CLMN: variants seen among roughly 807,000 people sequenced by gnomAD.
The protein encoded by CLMN is calmin (calponin-like, transmembrane).
In CLMN, 57 loss-of-function variants were observed where a neutral mutation model predicts 92.7. The observed-to-expected ratio is 0.61, with a 90% CI of 0.50 to 0.77. The LOEUF is 0.77. CLMN is among the 30% of genes least tolerant of loss of function. CLMN has a pLI of 0.00. For missense variants in CLMN, 1,158 were observed against 1,237.5 expected, an observed-to-expected ratio of 0.94 and a Z score of 0.96; for synonymous variants, 466 against 470.6, an observed-to-expected ratio of 0.99 and a Z score of 0.13.
At chr14:95,255,431 G>T (rs1397058370) in intron 1 of CLMN, among the ~76,000 whole-genome samples, 1 of 152,124 alleles carries the variant, frequency 6.6e-6, no homozygotes, top group Non-Finnish European at 1.5e-5. Flanking sequence ...GATTTTATTA[G>T]TCATTGTTGT....
At position 95,210,883 on chromosome 14, in the gene CLMN, A is replaced by C. The variant is rs778641110; in HGVS notation, c.609-4T>G. 5 of 1,496,436 alleles carry C rather than the reference A, an allele frequency of 3.3e-6. No homozygotes were observed. Among genetic ancestry groups the C allele is most frequent in the East Asian group, 5.2e-5 (2 of 38,148 alleles). The allele number at this position is 1,496,436 out of a possible 1,614,324, so 92.7% of individuals were successfully genotyped here. A position where few individuals can be genotyped will look rare whatever the true frequency, so the allele number is the denominator to read the frequency against. On this transcript the variant is annotated splice_region_variant and splice_polypyrimidine_tract_variant and intron_variant, in intron 6 of 12. Coordinates refer to ENST00000298912, the MANE Select transcript of CLMN (RefSeq NM_024734.4). ...GTCCTGCACCGCCACGCCATACCTG[A>C]AGGAAAAACAGCAGCGGCGGCCAGG... is the stretch of plus-strand genomic sequence containing the variant.
chr14:95,236,507 G>A (rs748731803), intron 1 of CLMN, among the ~76,000 whole-genome samples: 2 of 152,280 alleles, frequency 1.3e-5, no homozygotes, highest in African/African-American at 4.8e-5. Flanking sequence ...GACTGAGGGG[G>A]AGGGGCTGCT....
chr14:95,229,404 G>A (rs1595596808), intron 2 of CLMN, among the ~76,000 whole-genome samples: 1 of 152,142 alleles, frequency 6.6e-6, no homozygotes, highest in South Asian at 2.1e-4. Flanking sequence ...CAAAACAGCC[G>A]GGCCAAAGAA....
chr14:95,266,773 A>G (rs1473546101), intron 1 of CLMN, among the ~76,000 whole-genome samples: 1 of 152,196 alleles, frequency 6.6e-6, no homozygotes, highest in Non-Finnish European at 1.5e-5. Flanking sequence ...GAGGCATCAC[A>G]CTATCTGACT....
intron 1 of CLMN, among the ~76,000 whole-genome samples, chr14:95,299,482 G>A (rs1272484546): frequency 6.6e-6 from 1 of 152,170 alleles, no homozygotes; most frequent in Non-Finnish European, 1.5e-5. Context: ...TGCACCAGGT[G>A]CAGCACCAGG....
At position 95,223,715 on chromosome 14, in the gene CLMN, TC is replaced by T. The variant is rs374754841; in HGVS notation, c.240+44del. On this transcript the variant is annotated intron_variant, in intron 3 of 12. Transcript: ENST00000298912. ...TGAAAAGAAAACCTCAGCAGCGTTT[TC>T]CTTTGCATTTTCTTTCTTTCTGACC... 29 of 1,455,378 alleles carry T rather than the reference TC, an allele frequency of 2.0e-5. No individual in the cohort carries two copies. The African/African-American group carries it at 4.1e-4, about 21-fold the overall frequency. 90.2% of individuals were successfully genotyped at this position (1,455,378 alleles called of 1,614,324 possible). A position where few individuals can be genotyped will look rare whatever the true frequency, so the allele number is the denominator to read the frequency against.
rs1249275411 is a variant in CLMN at position 95,203,607 on chromosome 14, T to C, written c.1742A>G (p.Asn581Ser). The change falls in exon 9 of 13, where the codon AAC (asparagine) becomes AGC (serine). Residue 581 changes from asparagine to serine, a missense_variant. Asn to Ser is a conservative substitution (Grantham distance 46, BLOSUM62 1). Coordinates refer to ENST00000298912, the MANE Select transcript of CLMN (RefSeq NM_024734.4). ...TGTCTCATGAGGTGAAGGAACTTTGTTGAAAGCCTGGCTGGTAGAAGCAAA... is the reference window on the plus strand; with the variant it reads ...TGTCTCATGAGGTGAAGGAACTTTGCTGAAAGCCTGGCTGGTAGAAGCAAA... ...IDFASTSQAFNKVPSPHETKP... is the reference protein window; with the variant it reads ...IDFASTSQAFSKVPSPHETKP... The C allele has an allele frequency of 6.2e-7, 1 of 1,614,160 alleles. No individual in the cohort carries two copies. The highest frequency in any genetic ancestry group is 8.5e-7 in the Non-Finnish European group (1 of 1,180,026).
chr14:95,218,777 G>A (rs1302727531), intron 4 of CLMN, among the ~76,000 whole-genome samples: 1 of 152,230 alleles, frequency 6.6e-6, no homozygotes, highest in Non-Finnish European at 1.5e-5. Flanking sequence ...TAGTATGCTC[G>A]CATTTGGAAT....
chr14:95,247,347 G>C (rs752587608), intron 1 of CLMN, among the ~76,000 whole-genome samples: 2 of 152,196 alleles, frequency 1.3e-5, no homozygotes, highest in East Asian at 1.9e-4. Flanking sequence ...CTTGGCCAAG[G>C]CTCAGCCATC....
intron 9 of CLMN, among the ~76,000 whole-genome samples, chr14:95,197,531 G>A (rs894780959): frequency 1.3e-5 from 2 of 152,318 alleles, no homozygotes; most frequent in Middle Eastern, 3.4e-3. Context: ...GCCAAAGGGT[G>A]CAAAGGTGGC....
chr14:95,271,093 TA>T (rs1899690735), intron 1 of CLMN, among the ~76,000 whole-genome samples: 1 of 152,230 alleles, frequency 6.6e-6, no homozygotes, highest in African/African-American at 2.4e-5. Context: ...TGCTTATTGG[TA>T]ATTCGTGTAT....
intron 1 of CLMN, among the ~76,000 whole-genome samples, chr14:95,311,346 G>C (rs1295320783): frequency 1.3e-5 from 2 of 152,118 alleles, no homozygotes; most frequent in Non-Finnish European, 2.9e-5. Context: ...TGGCTGCATG[G>C]AGAACCCCCC....
chr14:95,301,245 G>A (rs545546064), intron 1 of CLMN, among the ~76,000 whole-genome samples: 20 of 152,216 alleles, frequency 1.3e-4, no homozygotes, highest in Non-Finnish European at 2.6e-4. Context: ...TAATTCTTGT[G>A]TGTCCGAGAG....
Position 95,287,038 on chromosome 14 carries a change from C to A in CLMN, c.82+32673G>T, listed in dbSNP as rs182380032. 3.3e-5 allele frequency among the ~76,000 whole-genome samples: 5 copies of A among 152,310 alleles called. No homozygotes were observed. In the East Asian group the frequency reaches 9.7e-4, roughly 29 times the overall value. ...AGGTCTTGTCATCCCCGCAAGGCTA[C>A]CACATTTTGCTTCTGTCACCTTCAC... is the stretch of plus-strand genomic sequence containing the variant. On this transcript the variant is annotated intron_variant, in intron 1 of 12. Transcript: ENST00000298912.
At chr14:95,316,368 C>T (rs1901770900) in intron 1 of CLMN, among the ~76,000 whole-genome samples, 1 of 152,250 alleles carries the variant, frequency 6.6e-6, no homozygotes, top group African/African-American at 2.4e-5. Flanking sequence ...CATGCCCATG[C>T]TCTGCCAGAG....
chr14:95,227,503 C>A (rs1308971161), intron 2 of CLMN, among the ~76,000 whole-genome samples: 2 of 152,166 alleles, frequency 1.3e-5, no homozygotes, highest in Non-Finnish European at 2.9e-5. Flanking sequence ...AACGGAATAC[C>A]CCCTGATAAA....
intron 1 of CLMN, among the ~76,000 whole-genome samples, chr14:95,315,626 T>C (rs1302310157): frequency 2.6e-5 from 4 of 152,170 alleles, no homozygotes; most frequent in Non-Finnish European, 5.9e-5. Context: ...GGGATTCCAA[T>C]CATTTCTCTC....
chr14:95,245,342 T>C (rs1239091738), intron 1 of CLMN, among the ~76,000 whole-genome samples: 4 of 133,112 alleles, frequency 3.0e-5, no homozygotes, highest in African/African-American at 1.1e-4. Context: ...TGTCCAAGAA[T>C]GTAGAGTATA....
Position 95,268,325 on chromosome 14 carries a change from C to G in CLMN, c.83-38192G>C, listed in dbSNP as rs539131079. 2.6e-4 allele frequency among the ~76,000 whole-genome samples: 38 copies of G among 148,294 alleles called. No individual in the cohort carries two copies. In the South Asian group the frequency reaches 7.8e-3, roughly 30 times the overall value. ...CAATTTTGTAAAAATAATAAATGAA[C>G]TATCTGTATGTGCAATACCTTGGAT... On this transcript the variant is annotated intron_variant, in intron 1 of 12. Coordinates refer to ENST00000298912, the MANE Select transcript of CLMN (RefSeq NM_024734.4).
Sources: allele counts gnomAD v4.1 joint callset (sites outside exome capture counted in the v4.1 genomes callset), GRCh38; gene constraint gnomAD v4.1.1; transcripts MANE v1.5; gene names NCBI Gene and HGNC (gene_info 2026-07-23, HGNC 2026-07-21).